Variants in NOX1 observed in about 807,000 individuals in gnomAD.
The protein encoded by NOX1 is NADH/NADPH mitogenic oxidase subunit P65-MOX.
Under a neutral mutation model 42.5 loss-of-function variants are expected in NOX1, and 34 were observed. The observed-to-expected ratio is 0.80, with a 90% CI of 0.61 to 1.07. The LOEUF is 1.07. Among genes scored for constraint, NOX1 ranks in the 50% least tolerant of loss-of-function variants. The pLI, the probability that NOX1 is intolerant of heterozygous loss-of-function variation, is 0.00. For missense variants in NOX1, 408 were observed against 427.0 expected (o/e 0.96, Z 0.39); for synonymous variants, 143 against 152.5 (o/e 0.94, Z 0.46).
intron 2 of NOX1, among the ~76,000 whole-genome samples, chrX:100,869,542 T>G (rs1334803205): frequency 3.6e-5 from 4 of 110,423 alleles, no homozygotes; most frequent in African/African-American, 9.9e-5. Context: ...AGTTGCTTAT[T>G]AGCTTAAGGA....
intron 12 of NOX1, among the ~76,000 whole-genome samples, chrX:100,848,173 T>G (rs1041829379): frequency 7.2e-4 from 81 of 111,856 alleles, no homozygotes; most frequent in African/African-American, 2.6e-3. Context: ...CAGATGAAAT[T>G]TCCTCGGTCT....
chrX:100,853,261 C>T (rs5921672), intron 7 of NOX1, among the ~76,000 whole-genome samples: 3,478 of 22,597 alleles, frequency 0.15, 619 homozygotes, highest in African/African-American at 0.44. Context: ...TTCCTTCCTT[C>T]CTTTCTTTCT....
intron 12 of NOX1, among the ~76,000 whole-genome samples, chrX:100,844,351 AGTCT>A (rs199743549): frequency 0.012 from 1,371 of 112,362 alleles, 19 homozygotes; most frequent in South Asian, 0.086. Context: ...CTGTGCAGCC[AGTCT>A]GTCTGGGTTG....
chrX:100,856,435 G>A (rs1202344625), intron 7 of NOX1: 8 of 457,973 alleles, frequency 1.7e-5, no homozygotes, highest in East Asian at 7.1e-5. Flanking sequence ...GTACACGGGC[G>A]GAAAGGCAAT....
At position 100,848,705 on chromosome X, in the gene NOX1, C is replaced by T; in HGVS notation, c.1493G>A (p.Gly498Asp). Residue 498 changes from glycine (G) to aspartate (D), a missense_variant, in exon 12 of 13, where the codon GGT (glycine) becomes GAT (aspartate). Gly to Asp is a moderately conservative substitution (Grantham distance 94). Transcript: ENST00000372966. ...NFDKATDIVT[G>D]LKQKTSFGRP... ...CCCAAAGGAGGTTTTCTGTTTCAGA[C>T]CTGTCACGATGTCAGTGGCCTTGTC... The T allele has an allele frequency of 8.3e-7, 1 of 1,210,992 alleles. No individual in the cohort carries two copies. The highest frequency in any genetic ancestry group is 3.0e-5 in the East Asian group (1 of 33,845).
At chrX:100,871,795 G>A (rs2085276396) in intron 1 of NOX1, among the ~76,000 whole-genome samples, 1 of 111,524 alleles carries the variant, frequency 9.0e-6, no homozygotes. Flanking sequence ...AACAGGCAAA[G>A]GGCCTTTAGC....
chrX:100,856,026 G>A, intron 7 of NOX1: 1 of 1,094,291 alleles, frequency 9.1e-7, no homozygotes, highest in Admixed American at 2.2e-5. Context: ...CTTAGGTGAT[G>A]TTCTTCCGTG....
Position 100,874,088 on chromosome X carries a change from C to CA in NOX1, c.45+6dup. On this transcript the variant is annotated splice_region_variant and intron_variant, in intron 1 of 12. Coordinates refer to ENST00000372966, the MANE Select transcript of NOX1 (RefSeq NM_007052.5). ...TCCTAATTAATAGGAAGTCAAACAT[C>CA]ACTTACCAGAAACAAAACTGAAAAC... 1 of 1,182,887 alleles carries CA rather than the reference C, an allele frequency of 8.5e-7. No homozygotes were observed. The highest frequency in any genetic ancestry group is 2.2e-5 in the Admixed American group (1 of 45,609).
intron 12 of NOX1, among the ~76,000 whole-genome samples, chrX:100,846,030 C>T (rs1460289103): frequency 1.8e-5 from 2 of 110,668 alleles, no homozygotes; most frequent in Non-Finnish European, 3.8e-5. Flanking sequence ...TCGTGATCCA[C>T]CCACCTCGGC....
chrX:100,872,866 C>T (rs1235913697), intron 1 of NOX1, among the ~76,000 whole-genome samples: 2 of 110,430 alleles, frequency 1.8e-5, no homozygotes, highest in East Asian at 5.7e-4. Flanking sequence ...TGCCAGGTTC[C>T]CTTTCTCCTA....
chrX:100,863,130 T>A, intron 4 of NOX1, 29 bp downstream of exon 4: 1 of 1,036,052 alleles, frequency 9.7e-7, no homozygotes, highest in Non-Finnish European at 1.4e-6. Context: ...TGCCCTGGAG[T>A]CTGCAGATTC....
chrX:100,852,125 A>G (rs1602383477), intron 7 of NOX1, among the ~76,000 whole-genome samples: 1 of 112,303 alleles, frequency 8.9e-6, no homozygotes, highest in East Asian at 2.8e-4. Context: ...TCAAGTGCTT[A>G]AACATTTAAC....
chrX:100,853,314 CTT>C (rs536659157), intron 7 of NOX1, among the ~76,000 whole-genome samples: 167 of 81,862 alleles, frequency 2.0e-3, no homozygotes, highest in Non-Finnish European at 2.8e-3. Flanking sequence ...TTCTTTCTTT[CTT>C]TCTTTCTCTC....
chrX:100,851,112 C>A (rs2085111409), intron 8 of NOX1, 121 bp downstream of exon 8: 2 of 446,931 alleles, frequency 4.5e-6, no homozygotes, highest in East Asian at 8.8e-5. Flanking sequence ...AGTGCTGGGA[C>A]TACCACCCAC....
Position 100,843,577 on chromosome X carries a change from T to C in NOX1, c.*375A>G. On this transcript the variant is annotated 3_prime_UTR_variant, in exon 13 of 13. Coordinates refer to ENST00000372966, the MANE Select transcript of NOX1 (RefSeq NM_007052.5). ...CTGTGGGGGTGGGAGGGACAAAAGA[T>C]TACAAACCAAAACTCAGGAGATGGT... The C allele has an allele frequency of 1.3e-6, 1 of 756,377 alleles. No individual in the cohort carries two copies. The allele number at this position is 756,377 out of a possible 1,213,427, so 62.3% of individuals were successfully genotyped here. A position where few individuals can be genotyped will look rare whatever the true frequency, so the allele number is the denominator to read the frequency against.
chrX:100,861,353 TGAGAACTAAGC>T (rs2085202451), intron 7 of NOX1, among the ~76,000 whole-genome samples: 1 of 111,865 alleles, frequency 8.9e-6, no homozygotes, highest in Admixed American at 9.6e-5. Context: ...CTGTTCCAGA[TGAGAACTAAGC>T]TATTGCTCTT....
chrX:100,873,079 ACCTTCTCTCTTCT>A (rs1412122740), intron 1 of NOX1, among the ~76,000 whole-genome samples: 9 of 109,651 alleles, frequency 8.2e-5, no homozygotes, highest in Non-Finnish European at 1.7e-4. Flanking sequence ...GAAGCATCAC[ACCTTCTCTCTTCT>A]GTTTTGCCTG....
In NOX1 at chrX:100,863,490, AG is replaced by A; in HGVS notation, c.246del (p.Cys83AlafsTer8). The A allele has an allele frequency of 8.3e-7, 1 of 1,210,249 alleles. No individual in the cohort carries two copies. Reference protein sequence around the residue: ...CRNLLSFLRGTCSFCSRTLRK... With the variant: ...CRNLLSFLRGXCSFCSRTLRK... ...TAGGAGTGGTTGGGACTCACTGAGC[AG>A]GTGCCCCTCAGGAAGGACAGCAGAT... On this transcript the variant is annotated frameshift_variant, in exon 3 of 13. Coordinates refer to ENST00000372966, the MANE Select transcript of NOX1 (RefSeq NM_007052.5). LOFTEE classifies it high-confidence loss of function.
At chrX:100,871,629 T>C (rs2085275110) in intron 1 of NOX1, among the ~76,000 whole-genome samples, 1 of 112,133 alleles carries the variant, frequency 8.9e-6, no homozygotes, top group Admixed American at 9.5e-5. Context: ...CTGCACTGGC[T>C]AAAGGTGAAA....
Sources: allele counts gnomAD v4.1 joint callset (sites outside exome capture counted in the v4.1 genomes callset), GRCh38; gene constraint gnomAD v4.1.1; transcripts MANE v1.5; gene names NCBI Gene and HGNC (gene_info 2026-07-23, HGNC 2026-07-21).